The following TCAIM variants were observed in gnomAD, a reference collection of about 807,000 sequenced individuals.
The protein encoded by TCAIM is T-cell activation inhibitor, mitochondrial.
TCAIM carries 36 observed loss-of-function variants against 58.6 expected under a neutral mutation model. The observed-to-expected ratio is 0.61, with a 90% confidence interval of 0.47 to 0.81. The LOEUF is 0.81. Among genes scored for constraint, TCAIM ranks in the 30% least tolerant of loss-of-function variants. The pLI is 0.00. For synonymous variants in TCAIM, 172 were observed against 193.6 expected (o/e 0.89, Z 0.93); for missense variants, 466 against 579.6 (o/e 0.80, Z 2.01).
At chr3:44,366,558 C>T (rs1205555260) in intron 4 of TCAIM, among the ~76,000 whole-genome samples, 17 of 151,492 alleles carry the variant, frequency 1.1e-4, no homozygotes, top group South Asian at 6.3e-4. Flanking sequence ...CTCCGCCTCC[C>T]GGGTTCACGC....
At chr3:44,359,068 C>T in intron 3 of TCAIM, 1 of 983,020 alleles carries the variant, frequency 1.0e-6, no homozygotes, top group South Asian at 4.7e-5. Flanking sequence ...TAATATTATT[C>T]TACCAATGTA....
At chr3:44,374,320 G>T (rs1701530732) in intron 5 of TCAIM, among the ~76,000 whole-genome samples, 2 of 147,784 alleles carry the variant, frequency 1.4e-5, no homozygotes, top group African/African-American at 5.0e-5. Context: ...TATATATTGT[G>T]AATGCATTTC....
chr3:44,345,880 G>A (rs1700955915), intron 1 of TCAIM, among the ~76,000 whole-genome samples: 1 of 152,220 alleles, frequency 6.6e-6, no homozygotes, highest in East Asian at 1.9e-4. Context: ...TAAACCGGCA[G>A]TGGAAACAAG....
intron 5 of TCAIM, among the ~76,000 whole-genome samples, chr3:44,376,535 C>G (rs1370104352): frequency 2.0e-5 from 3 of 151,790 alleles, no homozygotes; most frequent in Non-Finnish European, 4.4e-5. Context: ...ATGTAATCCC[C>G]CCAGTAACCA....
rs904679045 is a variant in TCAIM at position 44,354,884 on chromosome 3, G to A, written c.29+73G>A. The A allele has an allele frequency of 1.8e-5, 27 of 1,512,272 alleles. No individual in the cohort carries two copies. In the South Asian group the frequency reaches 3.1e-4, roughly 17 times the overall value. The allele number at this position is 1,512,272 out of a possible 1,614,324, so 93.7% of individuals were successfully genotyped here. Reference sequence around the variant, plus strand: ...TCTGTTATGCATTTGGTTTATTTCAGTTTGTTATTATTTTTCCAATTCTGA... The same window carrying A: ...TCTGTTATGCATTTGGTTTATTTCAATTTGTTATTATTTTTCCAATTCTGA... On this transcript the variant is annotated intron_variant, in intron 2 of 10. Transcript: ENST00000342649.
At chr3:44,393,707 G>C (rs1701877180) in intron 6 of TCAIM, among the ~76,000 whole-genome samples, 1 of 152,070 alleles carries the variant, frequency 6.6e-6, no homozygotes, top group Admixed American at 6.5e-5. Flanking sequence ...AGGATCACTT[G>C]AGGCCAGGAG....
chr3:44,352,004 CCACTT>C (rs774239588), intron 1 of TCAIM, among the ~76,000 whole-genome samples: 32 of 150,196 alleles, frequency 2.1e-4, no homozygotes, highest in Non-Finnish European at 3.4e-4. Flanking sequence ...CATATATTGA[CCACTT>C]CACTAACATA....
chr3:44,360,212 T>A (rs1701273619), intron 3 of TCAIM, among the ~76,000 whole-genome samples: 1 of 152,178 alleles, frequency 6.6e-6, no homozygotes, highest in African/African-American at 2.4e-5. Context: ...CCTATTTCCT[T>A]ATTTGTGAGG....
intron 8 of TCAIM, 133 bp from the exon 9 acceptor site, chr3:44,400,222 C>A: frequency 1.5e-6 from 1 of 680,590 alleles, no homozygotes; most frequent in Non-Finnish European, 2.4e-6. Context: ...TTTTTTATCT[C>A]TTACTTGAAC....
intron 1 of TCAIM, among the ~76,000 whole-genome samples, chr3:44,347,336 G>GA (rs1237625576): frequency 1.3e-5 from 2 of 152,190 alleles, no homozygotes; most frequent in African/African-American, 4.8e-5. Context: ...TAGATGGACA[G>GA]AAAGAGAGTA....
chr3:44,398,606 A>C (rs1435026174), intron 8 of TCAIM, among the ~76,000 whole-genome samples: 1 of 152,218 alleles, frequency 6.6e-6, no homozygotes, highest in Non-Finnish European at 1.5e-5. Flanking sequence ...GCTGATGGGA[A>C]TGTAAAGTGG....
rs187296173 is a variant in TCAIM at position 44,373,416 on chromosome 3, G to C, written c.572+5708G>C. On this transcript the variant is annotated intron_variant, in intron 5 of 10. Transcript: ENST00000342649. ...TGTGGTGGGTCACGCCTATAATCTC[G>C]GCACTTTGGGAAGCTGAGGTGGGCA... Among the ~76,000 whole-genome samples, 1,325 of 151,824 alleles carry C rather than the reference G, an allele frequency of 8.7e-3. 20 individuals are homozygous for C. Among genetic ancestry groups the C allele is most frequent in the Non-Finnish European group, 9.6e-3 (653 of 67,954 alleles).
chr3:44,357,938 A>T (rs1701229398), intron 3 of TCAIM, 62 bp downstream of exon 3: 1 of 1,557,334 alleles, frequency 6.4e-7, no homozygotes, highest in African/African-American at 1.4e-5. Flanking sequence ...CTTTGATACA[A>T]TATAATACAT....
rs532893723 is a variant in TCAIM, at chr3:44,394,864, G to A, written c.696-1536G>A. 8.3e-3 allele frequency among the ~76,000 whole-genome samples: 1,000 copies of A among 120,252 alleles called. 16 individuals are homozygous for A. Among genetic ancestry groups the A allele is most frequent in the African/African-American group, 0.03 (926 of 30,852 alleles). 78.9% of individuals were successfully genotyped at this position (120,252 alleles called of 152,430 possible). Reference sequence around the variant, plus strand: ...AGCCGAGATCACGCCACTGCACTCCGGCCTGGGCAACAGAGCGAGACTGTC... The same window carrying A: ...AGCCGAGATCACGCCACTGCACTCCAGCCTGGGCAACAGAGCGAGACTGTC... On this transcript the variant is annotated intron_variant, in intron 6 of 10. Transcript: ENST00000342649.
At chr3:44,384,522 A>G (rs1186102901) in intron 5 of TCAIM, among the ~76,000 whole-genome samples, 1 of 152,240 alleles carries the variant, frequency 6.6e-6, no homozygotes, top group African/African-American at 2.4e-5. Flanking sequence ...TATTATACAA[A>G]CAGGCTGTGA....
intron 5 of TCAIM, among the ~76,000 whole-genome samples, chr3:44,372,673 A>G (rs1701497944): frequency 6.6e-6 from 1 of 151,456 alleles, no homozygotes; most frequent in Non-Finnish European, 1.5e-5. Flanking sequence ...GGCTCACTGC[A>G]AGCTCCGCCT....
intron 1 of TCAIM, among the ~76,000 whole-genome samples, chr3:44,344,010 T>A (rs11706775): frequency 6.8e-6 from 1 of 147,700 alleles, no homozygotes; most frequent in Non-Finnish European, 1.5e-5. Flanking sequence ...TTTGATTATT[T>A]TTGATGGAAA....
chr3:44,377,590 T>C (rs1701586386), intron 5 of TCAIM, among the ~76,000 whole-genome samples: 1 of 152,212 alleles, frequency 6.6e-6, no homozygotes, highest in Non-Finnish European at 1.5e-5. Context: ...CGAGTCCACA[T>C]GGAACGTTTT....
intron 5 of TCAIM, among the ~76,000 whole-genome samples, chr3:44,381,300 G>T (rs1701651486): frequency 1.3e-5 from 2 of 152,030 alleles, no homozygotes; most frequent in African/African-American, 4.8e-5. Context: ...GTACAAGGAT[G>T]GTTCCACATA....
Sources: gnomAD v4.1 joint callset for allele counts (sites outside exome capture counted in the v4.1 genomes callset) on GRCh38, gnomAD v4.1.1 for gene constraint, MANE v1.5 for transcripts, NCBI Gene and HGNC (gene_info 2026-07-23, HGNC 2026-07-21) for gene names.